Variants in GDPD5 observed in about 807,000 individuals in gnomAD.
The protein encoded by GDPD5 is glycerophosphodiester phosphodiesterase domain containing 5, also known as glycerophosphodiester phosphodiesterase 2.
Under a neutral mutation model 75.1 loss-of-function variants are expected in GDPD5, and 48 were observed. The ratio of observed to expected loss-of-function variants is 0.64; its 90% CI spans 0.51 to 0.81. GDPD5 has a LOEUF of 0.81. Among genes scored for constraint, GDPD5 ranks in the 40% least tolerant of loss-of-function variants. The pLI is 0.00. For missense variants in GDPD5, 706 were observed against 822.6 expected (o/e 0.86, Z 1.73); for synonymous variants, 336 against 339.0 (o/e 0.99, Z 0.10).
chr11:75,502,851 C>T (rs537692010), intron 1 of GDPD5, among the ~76,000 whole-genome samples: 7 of 152,314 alleles, frequency 4.6e-5, no homozygotes, highest in Admixed American at 1.3e-4. Flanking sequence ...AGGCCTGAGA[C>T]TACGCAAAGA....
chr11:75,464,185 C>T (rs914517000), intron 3 of GDPD5, among the ~76,000 whole-genome samples: 1 of 152,202 alleles, frequency 6.6e-6, no homozygotes, highest in African/African-American at 2.4e-5. Flanking sequence ...TGCAAAGATA[C>T]CATCAGTCTG....
chr11:75,496,544 A>G (rs1164168487), intron 1 of GDPD5, among the ~76,000 whole-genome samples: 1 of 152,212 alleles, frequency 6.6e-6, no homozygotes, highest in Non-Finnish European at 1.5e-5. Context: ...AGGACGTGAC[A>G]GGACTGTGTA....
At position 75,443,215 on chromosome 11, in the gene GDPD5, G is replaced by A. The variant is rs952572099; in HGVS notation, c.869C>T (p.Pro290Leu). Residue 290 changes from proline (P) to leucine (L), a missense_variant, in exon 11 of 17, where the codon CCG becomes CTG. Physicochemically the swap from Pro to Leu is moderately conservative, Grantham distance 98. Transcript: ENST00000336898. ...GGAGGCAGGCCTGCGGGCCAGCTCC[G>A]GGAACTCCTCCTCCACGTTGGTGGT... ...RRTTNVEEEF[P>L]ELARRPASML... 1.1e-5 allele frequency: 18 copies of A among 1,606,156 alleles called. No homozygotes were observed. Among genetic ancestry groups the A allele is most frequent in the South Asian group, 4.5e-5 (4 of 89,260 alleles).
At chr11:75,470,690 T>A (rs1227616344) in intron 3 of GDPD5, among the ~76,000 whole-genome samples, 19 of 152,192 alleles carry the variant, frequency 1.2e-4, no homozygotes, top group Admixed American at 3.3e-4. Flanking sequence ...GGGAAAAAAA[T>A]TTTAAAAATA....
chr11:75,493,392 T>G (rs978809314), intron 1 of GDPD5, among the ~76,000 whole-genome samples: 2 of 152,038 alleles, frequency 1.3e-5, no homozygotes, highest in South Asian at 4.2e-4. Flanking sequence ...TTTTTTTATT[T>G]TTTTAAGGCA....
chr11:75,441,586 C>T (rs1297081666), intron 13 of GDPD5, 60 bp downstream of exon 13: 15 of 1,445,154 alleles, frequency 1.0e-5, no homozygotes, highest in Non-Finnish European at 1.2e-5. Flanking sequence ...GTGGTGGTGG[C>T]AGGACTGGGA....
At chr11:75,501,527 C>G (rs547338816) in intron 1 of GDPD5, among the ~76,000 whole-genome samples, 1 of 152,370 alleles carries the variant, frequency 6.6e-6, no homozygotes, top group East Asian at 1.9e-4. Context: ...TGGCCTCGCT[C>G]AGAGTCACCT....
At chr11:75,499,745 G>T (rs538092210) in intron 1 of GDPD5, among the ~76,000 whole-genome samples, 43 of 152,246 alleles carry the variant, frequency 2.8e-4, no homozygotes, top group Admixed American at 2.4e-3. Flanking sequence ...CCAGAGATGG[G>T]GTTGGGTGTG....
chr11:75,467,372 C>A, intron 3 of GDPD5, among the ~76,000 whole-genome samples: 1 of 152,174 alleles, frequency 6.6e-6, no homozygotes, highest in East Asian at 1.9e-4. Flanking sequence ...GCAGGGATGG[C>A]CTGAGCTGTC....
rs1271861818 is a variant in GDPD5, at chr11:75,442,575, G to A, written c.955C>T (p.Pro319Ser). ...GACAGGGAGCTGGCTGTCCAGAAGG[G>A]GTCAGTCTGGCAGGGACAGGGACAC... ...NAGQWFLKTD[P>S]FWTASSLSPS... Residue 319 changes from proline to serine, a missense_variant, in exon 12 of 17, where the codon CCC (proline) becomes TCC (serine). Physicochemically the swap from Pro to Ser is moderately conservative, Grantham distance 74 (BLOSUM62 -1). Coordinates refer to ENST00000336898, the MANE Select transcript of GDPD5 (RefSeq NM_030792.8). The A allele has an allele frequency of 1.2e-6, 2 of 1,613,994 alleles. No individual in the cohort carries two copies. Among genetic ancestry groups the A allele is most frequent in the Non-Finnish European group, 1.7e-6 (2 of 1,179,958 alleles).
At chr11:75,489,902 C>A (rs927707860) in intron 2 of GDPD5, among the ~76,000 whole-genome samples, 1 of 152,066 alleles carries the variant, frequency 6.6e-6, no homozygotes, top group Admixed American at 6.5e-5. Context: ...CCATGCCTGG[C>A]GACCTGCCTG....
In GDPD5 at chr11:75,503,357, T is replaced by C. The variant is rs147230755; in HGVS notation, c.-144-13037A>G. On this transcript the variant is annotated intron_variant, in intron 1 of 16. Coordinates refer to ENST00000336898, the MANE Select transcript of GDPD5 (RefSeq NM_030792.8). ...TATATAAAGTCACTAAATTTTGGGG[T>C]CATTTGTTACGTGACAACAGTAACT... Among the ~76,000 whole-genome samples the C allele has an allele frequency of 3.0e-3, 451 of 152,304 alleles. 1 individual carries two copies. Among genetic ancestry groups the C allele is most frequent in the Admixed American group, 0.017 (258 of 15,304 alleles).
chr11:75,507,648 C>A (rs1287000887), intron 1 of GDPD5, among the ~76,000 whole-genome samples: 3 of 152,214 alleles, frequency 2.0e-5, no homozygotes, highest in African/African-American at 7.2e-5. Flanking sequence ...GAGTGACAAG[C>A]CAAGAATCAG....
intron 1 of GDPD5, among the ~76,000 whole-genome samples, chr11:75,522,347 G>A (rs1409305976): frequency 6.6e-6 from 1 of 152,174 alleles, no homozygotes; most frequent in East Asian, 1.9e-4. Context: ...TTCTTGGAGG[G>A]ATGTCAGGAC....
intron 4 of GDPD5, among the ~76,000 whole-genome samples, chr11:75,458,080 G>A (rs569688300): frequency 1.3e-5 from 2 of 152,298 alleles, no homozygotes; most frequent in East Asian, 3.9e-4. Context: ...CCGCCCCCAT[G>A]CCTATATGTT....
At chr11:75,455,895 G>C (rs73494855) in intron 6 of GDPD5, among the ~76,000 whole-genome samples, 1,651 of 152,280 alleles carry the variant, frequency 0.011, 34 homozygotes, top group African/African-American at 0.037. Context: ...CCAGCCCTGA[G>C]GGGGGGCACT....
intron 3 of GDPD5, among the ~76,000 whole-genome samples, chr11:75,468,634 G>A (rs567185642): frequency 6.6e-6 from 1 of 152,286 alleles, no homozygotes; most frequent in African/African-American, 2.4e-5. Context: ...ACGGCATCTG[G>A]TGAGGCTGAC....
chr11:75,454,069 G>A (rs530455868), intron 6 of GDPD5, among the ~76,000 whole-genome samples: 1 of 152,300 alleles, frequency 6.6e-6, no homozygotes, highest in South Asian at 2.1e-4. Flanking sequence ...AAAACGCAAT[G>A]AGCAAAGTCC....
chr11:75,521,541 G>A (rs1193932192), intron 1 of GDPD5, among the ~76,000 whole-genome samples: 3 of 152,206 alleles, frequency 2.0e-5, no homozygotes, highest in Non-Finnish European at 2.9e-5. Context: ...CTGGCTCATA[G>A]TAAGTACTCA....
Sources: gnomAD v4.1 joint callset for allele counts (sites outside exome capture counted in the v4.1 genomes callset) on GRCh38, gnomAD v4.1.1 for gene constraint, MANE v1.5 for transcripts, NCBI Gene and HGNC (gene_info 2026-07-23, HGNC 2026-07-21) for gene names.